Variants in ADRA1B observed in about 807,000 individuals in gnomAD.
The protein encoded by ADRA1B is adrenoceptor alpha 1B, also known as alpha-1B adrenergic receptor.
ADRA1B carries 17 observed loss-of-function variants against 17.9 expected under a neutral mutation model. The observed-to-expected ratio is 0.95, with a 90% confidence interval of 0.65 to 1.42. The LOEUF is 1.42. Ranked by LOEUF, ADRA1B falls within the 40% of genes most tolerant of loss-of-function variation. The pLI is 0.00. For synonymous variants in ADRA1B, 366 were observed against 327.6 expected, an observed-to-expected ratio of 1.12 and a Z score of -1.27; for missense variants, 681 against 722.1, an observed-to-expected ratio of 0.94 and a Z score of 0.65.
intron 1 of ADRA1B, among the ~76,000 whole-genome samples, chr5:159,908,291 T>C (rs1025463): frequency 0.23 from 34,691 of 152,136 alleles, 4,599 homozygotes; most frequent in African/African-American, 0.37. Context: ...TTCTCACCTG[T>C]AAATTGGAGC....
rs1374826006 is a variant in ADRA1B, at chr5:159,933,038, C to A, written c.949+15184C>A. Among the ~76,000 whole-genome samples the A allele has an allele frequency of 2.0e-5, 3 of 152,064 alleles. No homozygotes were observed. The South Asian group carries it at 6.2e-4, about 32-fold the overall frequency. On this transcript the variant is annotated intron_variant, in intron 1 of 1. Coordinates refer to ENST00000306675, the MANE Select transcript of ADRA1B (RefSeq NM_000679.4). ...AATGTTTTCATGTTTATAAATATTA[C>A]CAGATTGTCTTATGTAGAGATTATA...
At chr5:159,911,628 G>C (rs1040593984), upstream of ADRA1B, among the ~76,000 whole-genome samples, 1 of 152,206 alleles carries the variant, frequency 6.6e-6, no homozygotes, top group African/African-American at 2.4e-5. Context: ...TCACCAGAGA[G>C]TGACAAGTTG....
At chr5:159,942,952 ATAAAT>A (rs1249137795) in intron 1 of ADRA1B, among the ~76,000 whole-genome samples, 7 of 152,320 alleles carry the variant, frequency 4.6e-5, no homozygotes, top group African/African-American at 1.7e-4. Flanking sequence ...AAATAAAAAC[ATAAAT>A]TAGATCATCT....
At position 159,917,644 on chromosome 5, in the gene ADRA1B, A is replaced by C; in HGVS notation, c.739A>C (p.Asn247His). ...GGCAGGAGTCATGAAGGAGATGTCC[A>C]ACTCCAAGGAGCTGACCCTGAGGAT... is the stretch of plus-strand genomic sequence containing the variant. ...LEAGVMKEMS[N>H]SKELTLRIHS... Residue 247 changes from asparagine to histidine, a missense_variant, in exon 1 of 2, where the codon AAC becomes CAC. Around this residue, in one of 3 missense-constraint regions of ADRA1B, gnomAD observed 424 missense variants for 480.2 expected, o/e 0.88. Coordinates refer to ENST00000306675, the MANE Select transcript of ADRA1B (RefSeq NM_000679.4). 6.2e-7 allele frequency: 1 copy of C among 1,614,046 alleles called. No homozygotes were observed. The highest frequency in any genetic ancestry group is 8.5e-7 in the Non-Finnish European group (1 of 1,180,018).
At chr5:159,935,994 C>T (rs528710279) in intron 1 of ADRA1B, among the ~76,000 whole-genome samples, 2 of 152,348 alleles carry the variant, frequency 1.3e-5, no homozygotes, top group African/African-American at 4.8e-5. Flanking sequence ...CTCTCTGATC[C>T]TCTTTTCTCC....
intron 1 of ADRA1B, among the ~76,000 whole-genome samples, chr5:159,935,682 G>A (rs544812389): frequency 1.0e-3 from 157 of 152,144 alleles, no homozygotes; most frequent in Non-Finnish European, 2.0e-3. Flanking sequence ...TAGCAGCTGG[G>A]ATTACAGGCA....
intron 1 of ADRA1B, among the ~76,000 whole-genome samples, chr5:159,904,428 G>T (rs903566141): frequency 4.6e-5 from 7 of 152,226 alleles, no homozygotes; most frequent in African/African-American, 1.4e-4. Context: ...GAAAGTAGTT[G>T]TTCCCAAAAA....
chr5:159,954,224 A>G (rs567599330), intron 1 of ADRA1B, among the ~76,000 whole-genome samples: 1 of 152,248 alleles, frequency 6.6e-6, no homozygotes, highest in South Asian at 2.1e-4. Context: ...TGGCTTATCA[A>G]CAACAGAAAT....
At chr5:159,902,788 A>T (rs1228450252) in intron 1 of ADRA1B, among the ~76,000 whole-genome samples, 1 of 152,238 alleles carries the variant, frequency 6.6e-6, no homozygotes, top group East Asian at 1.9e-4. Context: ...CATCTATAAA[A>T]TGTGGAAAAC....
intron 1 of ADRA1B, among the ~76,000 whole-genome samples, chr5:159,940,572 G>A (rs956277408): frequency 7.2e-5 from 11 of 152,124 alleles, no homozygotes; most frequent in African/African-American, 2.7e-4. Context: ...CCACTGCACA[G>A]CCCATTGCAG....
chr5:159,914,787 G>A (rs376034270), upstream of ADRA1B, among the ~76,000 whole-genome samples: 2 of 152,194 alleles, frequency 1.3e-5, no homozygotes, highest in African/African-American at 4.8e-5. Context: ...TTCCCCACCC[G>A]TGAATATCAA....
At chr5:159,892,743 A>T (rs912897066) in intron 1 of ADRA1B, among the ~76,000 whole-genome samples, 8 of 152,170 alleles carry the variant, frequency 5.3e-5, no homozygotes, top group Non-Finnish European at 1.0e-4. Context: ...ATTGATGGGC[A>T]TTTAGGTTGG....
Position 159,876,822 on chromosome 5 carries a change from G to A in ADRA1B, c.-256+11616G>A, listed in dbSNP as rs74843316. Among the ~76,000 whole-genome samples the A allele has an allele frequency of 3.2e-3, 489 of 152,272 alleles. 2 individuals carry two copies. The highest frequency in any genetic ancestry group is 0.011 in the African/African-American group (463 of 41,536). ...AAAGGACGATTTGTCCCTTCTTCTG[G>A]ACTCTATGTATGACCAGCTGACAGT... On this transcript the variant is annotated intron_variant, in intron 1 of 2. Coordinates refer to the ADRA1B transcript ENST00000641205.
intron 1 of ADRA1B, among the ~76,000 whole-genome samples, chr5:159,871,537 T>C (rs1275588319): frequency 6.6e-6 from 1 of 152,254 alleles, no homozygotes; most frequent in East Asian, 1.9e-4. Flanking sequence ...TTGCAGCTCC[T>C]CCCCTGTGTC....
At chr5:159,950,779 G>T in intron 1 of ADRA1B, 1 of 612,272 alleles carries the variant, frequency 1.6e-6, no homozygotes, top group South Asian at 1.8e-5. Flanking sequence ...GTCCATGACT[G>T]ACACGTTGGT....
At chr5:159,937,109 A>C (rs540235813) in intron 1 of ADRA1B, among the ~76,000 whole-genome samples, 17 of 152,260 alleles carry the variant, frequency 1.1e-4, no homozygotes, top group African/African-American at 4.1e-4. Flanking sequence ...TGCATACTTA[A>C]GTTTAAGAAC....
At chr5:159,961,300 G>A (rs1181747645) in intron 1 of ADRA1B, among the ~76,000 whole-genome samples, 1 of 152,206 alleles carries the variant, frequency 6.6e-6, no homozygotes, top group Admixed American at 6.5e-5. Flanking sequence ...GAGAATGTTT[G>A]TAAATGTGGT....
the ADRA1B span, among the ~76,000 whole-genome samples, chr5:159,989,160 G>A: frequency 6.6e-6 from 1 of 151,998 alleles, no homozygotes. Flanking sequence ...CTGGTGTTTG[G>A]TTTTTTTGTT....
downstream of ADRA1B, among the ~76,000 whole-genome samples, chr5:159,974,187 C>T (rs1423217884): frequency 2.0e-5 from 3 of 152,220 alleles, no homozygotes; most frequent in Non-Finnish European, 4.4e-5. Flanking sequence ...CAGTCTCTTA[C>T]TCCTTCCTGT....
Sources: gnomAD v4.1 joint callset for allele counts (sites outside exome capture counted in the v4.1 genomes callset) on GRCh38, gnomAD v4.1.1 for gene constraint, gnomAD v4.1.1 regional missense constraint, MANE v1.5 for transcripts, NCBI Gene and HGNC (gene_info 2026-07-23, HGNC 2026-07-21) for gene names.